Variants in BTD observed in about 807,000 individuals in gnomAD.
BTD encodes the protein biotinidase, also known as biocytinase.
In BTD, 13 loss-of-function variants were observed where a neutral mutation model predicts 17.7. That is an observed-to-expected ratio of 0.74 (90% CI 0.48 to 1.17). The LOEUF (loss-of-function observed/expected upper bound fraction) is 1.17. BTD is among the 50% of genes most tolerant of loss of function. The probability of loss-of-function intolerance (pLI) is 0.00; values close to 1 mark genes in which losing one functional copy is unlikely to be tolerated. For missense variants in BTD, 674 were observed against 650.4 expected, an observed-to-expected ratio of 1.04 and a Z score of -0.39; for synonymous variants, 240 against 245.2, an observed-to-expected ratio of 0.98 and a Z score of 0.20.
intron 1 of BTD, among the ~76,000 whole-genome samples, chr3:15,607,658 A>T (rs1197452937): frequency 1.3e-5 from 2 of 152,254 alleles, no homozygotes; most frequent in Non-Finnish European, 2.9e-5. Context: ...TCAAAATGTG[A>T]AATGTTTACT....
At chr3:15,693,327 CAGAGAGAGAG>C (rs59750718) in intron 3 of BTD, among the ~76,000 whole-genome samples, 43 of 148,464 alleles carry the variant, frequency 2.9e-4, no homozygotes, top group African/African-American at 8.9e-4. Context: ...AATGGGGGGG[CAGAGAGAGAG>C]AGAGAGAGAG....
intron 1 of BTD, chr3:15,630,127 A>G (rs1250533170): frequency 2.1e-6 from 2 of 974,016 alleles, no homozygotes; most frequent in African/African-American, 3.5e-5. Flanking sequence ...TGTGGTGAGT[A>G]AAAAACAGCT....
At chr3:15,642,149 T>C in intron 3 of BTD, 92 bp downstream of exon 3, 1 of 1,559,734 alleles carries the variant, frequency 6.4e-7, no homozygotes, top group Non-Finnish European at 8.7e-7. Context: ...CTAAGATTGA[T>C]AGGAGACCTT....
downstream of BTD, among the ~76,000 whole-genome samples, chr3:15,722,502 A>T (rs1435659264): frequency 1.3e-5 from 2 of 152,144 alleles, no homozygotes; most frequent in Admixed American, 1.3e-4. Flanking sequence ...AATAAACCAC[A>T]ACCATGAGTA....
downstream of BTD, chr3:15,713,779 C>T: frequency 2.1e-6 from 1 of 483,998 alleles, no homozygotes; most frequent in East Asian, 3.3e-5. Flanking sequence ...ATTCATAGCT[C>T]ATTTATTGGG....
At chr3:15,602,022 G>T in intron 1 of BTD, 128 bp downstream of exon 1, 1 of 1,503,294 alleles carries the variant, frequency 6.7e-7, no homozygotes, top group Non-Finnish European at 8.9e-7. Flanking sequence ...GAAGCCCGGC[G>T]CGCGTCGTTT....
chr3:15,626,402 G>T (rs2065066398), intron 1 of BTD, among the ~76,000 whole-genome samples: 1 of 152,156 alleles, frequency 6.6e-6, no homozygotes, highest in Admixed American at 6.5e-5. Context: ...TATCATGGAA[G>T]ACGCTGAAAC....
chr3:15,675,161 C>T (rs1215168632), intron 3 of BTD, among the ~76,000 whole-genome samples: 2 of 152,030 alleles, frequency 1.3e-5, no homozygotes, highest in African/African-American at 4.8e-5. Flanking sequence ...TCCCAGCTAC[C>T]TGGGCAGGCT....
At chr3:15,712,158 T>C in exon 4 of BTD, 1 of 1,579,870 alleles carries the variant, frequency 6.3e-7, no homozygotes, top group Non-Finnish European at 8.6e-7. Flanking sequence ...AGAAGTTTTC[T>C]GCAGCAATCT....
At chr3:15,621,556 T>G (rs2064951412) in intron 1 of BTD, among the ~76,000 whole-genome samples, 2 of 152,310 alleles carry the variant, frequency 1.3e-5, no homozygotes, top group Non-Finnish European at 1.5e-5. Context: ...TTTTCTTGTG[T>G]GAGTTTTAGT....
At chr3:15,629,350 A>G (rs1348077032) in intron 1 of BTD, among the ~76,000 whole-genome samples, 2 of 152,118 alleles carry the variant, frequency 1.3e-5, no homozygotes, top group Non-Finnish European at 2.9e-5. Flanking sequence ...TACTCAATCA[A>G]AACTTCCAGG....
intron 3 of BTD, among the ~76,000 whole-genome samples, chr3:15,690,599 C>G (rs1488434287): frequency 6.6e-6 from 1 of 152,108 alleles, no homozygotes; most frequent in Non-Finnish European, 1.5e-5. Context: ...GGGTCTTGCT[C>G]TGTTGCCCCA....
exon 4 of BTD, chr3:15,712,075 G>C: frequency 8.2e-7 from 1 of 1,226,298 alleles, no homozygotes; most frequent in Non-Finnish European, 1.2e-6. Context: ...AAGCAGGATA[G>C]AGACCATCTA....
At chr3:15,714,494 A>C (rs1412435453), downstream of BTD, 1 of 969,428 alleles carries the variant, frequency 1.0e-6, no homozygotes, top group Non-Finnish European at 1.5e-6. Flanking sequence ...ACAATTCCTC[A>C]ATACCATTCA....
intron 3 of BTD, among the ~76,000 whole-genome samples, chr3:15,697,767 C>A (rs1475744367): frequency 1.3e-5 from 2 of 152,120 alleles, no homozygotes; most frequent in African/African-American, 4.8e-5. Context: ...GGGAGGATTC[C>A]CTCTTTTTCT....
chr3:15,714,838 T>A (rs1028111562), downstream of BTD, among the ~76,000 whole-genome samples: 4 of 152,190 alleles, frequency 2.6e-5, no homozygotes, highest in Admixed American at 6.5e-5. Flanking sequence ...TTAGCACGTG[T>A]ATCATAAAAC....
rs1001172627 is a variant in BTD, at chr3:15,635,050, A to G, written c.-16-374A>G. ...GAGGGCAGAGGGTAGAGTGTGAAAT[A>G]TATCACAGAATTATGTCAAATAATC... On this transcript the variant is annotated intron_variant, in intron 1 of 3. Transcript: ENST00000643237. The surrounding 1 kb of genome is among the most constrained non-coding windows in gnomAD (Gnocchi z 4.1). Among the ~76,000 whole-genome samples, 9 of 152,214 alleles carry G rather than the reference A, an allele frequency of 5.9e-5. No homozygotes were observed. The highest frequency in any genetic ancestry group is 1.9e-4 in the African/African-American group (8 of 41,440).
intron 3 of BTD, chr3:15,697,371 A>C (rs1389215264): frequency 1.3e-5 from 2 of 152,212 alleles, no homozygotes; most frequent in African/African-American, 2.4e-5. Flanking sequence ...CATTGGATAC[A>C]GTGTACATTG....
rs1221306376 is a variant in BTD at position 15,644,535 on chromosome 3, G to A, written c.619G>A (p.Val207Met). ...GGCAGCATTCGATGTTCCTCTTAAA[G>A]TGGATCTCATCACCTTTGATACCCC... ...FEAAFDVPLK[V>M]DLITFDTPFA... The change falls in exon 4 of 4, where the codon GTG becomes ATG. Residue 207 changes from valine to methionine, a missense_variant. By Grantham distance (21) the Val-to-Met change is conservative (BLOSUM62 1). Transcript: ENST00000643237. The A allele has an allele frequency of 8.1e-6, 13 of 1,614,026 alleles. No homozygotes were observed. The highest frequency in any genetic ancestry group is 1.0e-5 in the Non-Finnish European group (12 of 1,180,040).
Sources: allele counts gnomAD v4.1 joint callset (sites outside exome capture counted in the v4.1 genomes callset), GRCh38; gene constraint gnomAD v4.1.1; non-coding constraint Gnocchi (gnomAD v3.1); transcripts MANE v1.5; gene names NCBI Gene and HGNC (gene_info 2026-07-23, HGNC 2026-07-21).